The following HERC2 variants were observed in gnomAD, a reference collection of about 807,000 sequenced individuals.
HERC2 encodes HECT and RLD domain containing E3 ubiquitin protein ligase 2.
In HERC2, 102 loss-of-function variants were observed where a neutral mutation model predicts 537.7. The observed-to-expected ratio is 0.19, with a 90% confidence interval of 0.16 to 0.22. HERC2 has a LOEUF of 0.22. HERC2 is among the 10% of genes least tolerant of loss of function. HERC2 has a pLI of 1.00. For missense variants in HERC2, 4,236 were observed against 6,198.2 expected, an observed-to-expected ratio of 0.68 and a Z score of 10.63; for synonymous variants, 2,224 against 2,466.2, an observed-to-expected ratio of 0.90 and a Z score of 2.91.
Position 28,177,190 on chromosome 15 carries a change from A to C in HERC2, c.9255-63T>G. On this transcript the variant is annotated intron_variant, in intron 60 of 92. Coordinates refer to ENST00000261609, the MANE Select transcript of HERC2 (RefSeq NM_004667.6). This position sits in a 1 kb window ranked among gnomAD's most constrained non-coding sequence, Gnocchi z 5.0. ...GTCCCTTCTTAGAGATGAAGGAAAA[A>C]AGACATCTATACTGATCCACATGTA... The C allele has an allele frequency of 6.6e-7, 1 of 1,505,742 alleles. No individual in the cohort carries two copies. Among genetic ancestry groups the C allele is most frequent in the Non-Finnish European group, 9.1e-7 (1 of 1,104,768 alleles). The allele number at this position is 1,505,742 out of a possible 1,614,324, so 93.3% of individuals were successfully genotyped here. A position where few individuals can be genotyped will look rare whatever the true frequency, so the allele number is the denominator to read the frequency against.
At chr15:28,282,829 G>A (rs1288933717) in intron 4 of HERC2, among the ~76,000 whole-genome samples, 3 of 151,954 alleles carry the variant, frequency 2.0e-5, no homozygotes, top group Non-Finnish European at 4.4e-5. Context: ...CTACTCGAGA[G>A]GCTGAGACAG....
chr15:28,148,811 A>T (rs1402194419), intron 70 of HERC2, among the ~76,000 whole-genome samples: 1 of 152,200 alleles, frequency 6.6e-6, no homozygotes, highest in Non-Finnish European at 1.5e-5. Context: ...ACACGAACGT[A>T]CATTCTAGTA....
rs367713996 is a variant in HERC2, at chr15:28,175,671, A to G, written c.9687-15T>C. 3.9e-5 allele frequency: 63 copies of G among 1,614,000 alleles called. 1 individual carries two copies. The highest frequency in any genetic ancestry group is 3.5e-4 in the Admixed American group (21 of 60,010). ...CCCCCTTTCCCCTGAGAGAAGGCCC[A>G]TGGTGGAGAGTTACAATACGGTTAT... is the stretch of plus-strand genomic sequence containing the variant. On this transcript the variant is annotated splice_polypyrimidine_tract_variant and intron_variant, in intron 63 of 92. Coordinates refer to ENST00000261609, the MANE Select transcript of HERC2 (RefSeq NM_004667.6).
At chr15:28,216,018 T>C (rs888948841) in intron 38 of HERC2, among the ~76,000 whole-genome samples, 1 of 152,194 alleles carries the variant, frequency 6.6e-6, no homozygotes, top group Admixed American at 6.5e-5. Context: ...TTTTCTTTTT[T>C]TTTTTAGAGA....
At chr15:28,303,886 C>T (rs1485188710) in intron 2 of HERC2, among the ~76,000 whole-genome samples, 1 of 152,124 alleles carries the variant, frequency 6.6e-6, no homozygotes, top group African/African-American at 2.4e-5. Context: ...ACTGATTTGG[C>T]CGGGCACAGT....
At chr15:28,121,232 T>C (rs546793944) in intron 86 of HERC2, 114 bp downstream of exon 86, 2 of 876,092 alleles carry the variant, frequency 2.3e-6, no homozygotes, top group African/African-American at 3.3e-5. Context: ...ACCTGCTCTT[T>C]AAAGTTGGGG....
chr15:28,283,109 C>T (rs2076068428), intron 4 of HERC2, among the ~76,000 whole-genome samples: 2 of 146,966 alleles, frequency 1.4e-5, no homozygotes, highest in Admixed American at 6.8e-5. Context: ...ACTGAACTCA[C>T]GAAGGGACAG....
chr15:28,148,537 A>G (rs1892007566), intron 70 of HERC2, among the ~76,000 whole-genome samples: 1 of 152,242 alleles, frequency 6.6e-6, no homozygotes, highest in South Asian at 2.1e-4. Flanking sequence ...ACTTGGGACG[A>G]CAGACTAAAG....
At chr15:28,313,338 C>T (rs1198580435) in intron 2 of HERC2, among the ~76,000 whole-genome samples, 6 of 152,202 alleles carry the variant, frequency 3.9e-5, no homozygotes, top group South Asian at 2.1e-4. Context: ...CCACCACGCC[C>T]GGCTAATTTT....
chr15:28,184,385 G>A (rs1896105586), intron 56 of HERC2, among the ~76,000 whole-genome samples: 1 of 152,092 alleles, frequency 6.6e-6, no homozygotes, highest in South Asian at 2.1e-4. Context: ...TGTAGGAGGA[G>A]ACTGCCTGGG....
chr15:28,221,002 G>A (rs1900471558), intron 36 of HERC2, among the ~76,000 whole-genome samples: 1 of 144,772 alleles, frequency 6.9e-6, no homozygotes, highest in South Asian at 2.4e-4. Context: ...TTAGGAGGGT[G>A]CGTGCCCTGC....
intron 3 of HERC2, among the ~76,000 whole-genome samples, chr15:28,298,034 T>A (rs1396255122): frequency 2.8e-5 from 4 of 143,598 alleles, no homozygotes; most frequent in South Asian, 2.3e-4. Flanking sequence ...TGTGTGTGTG[T>A]GTGTGAATAT....
intron 55 of HERC2, chr15:28,190,396 G>A (rs1199794309): frequency 6.6e-6 from 1 of 152,316 alleles, no homozygotes. Flanking sequence ...ATGTGGAAAG[G>A]TTTACTAAAA....
chr15:28,182,266 G>T, intron 57 of HERC2, 135 bp downstream of exon 57: 1 of 554,060 alleles, frequency 1.8e-6, no homozygotes, highest in Middle Eastern at 4.9e-4. Flanking sequence ...CTTCTGAGGG[G>T]TAATTTGATA....
At chr15:28,207,257 T>A (rs1363182654) in intron 44 of HERC2, among the ~76,000 whole-genome samples, 1 of 151,890 alleles carries the variant, frequency 6.6e-6, no homozygotes, top group East Asian at 2.0e-4. Context: ...GCATCAGCCT[T>A]CCCTGTAGCT....
intron 69 of HERC2, among the ~76,000 whole-genome samples, chr15:28,162,255 G>A (rs1423279333): frequency 6.6e-6 from 1 of 152,206 alleles, no homozygotes; most frequent in African/African-American, 2.4e-5. Flanking sequence ...ACCTGATCCC[G>A]GGAGGTAGAG....
At chr15:28,192,250 A>C in intron 52 of HERC2, 99 bp from the exon 53 acceptor site, 1 of 1,082,388 alleles carries the variant, frequency 9.2e-7, no homozygotes, top group Non-Finnish European at 1.3e-6. Flanking sequence ...TTAAAGAAAA[A>C]TAGAAAGTTT....
In HERC2 at chr15:28,191,132, G is replaced by A. The variant is rs753548895; in HGVS notation, c.8557+7C>T. On this transcript the variant is annotated splice_region_variant and intron_variant, in intron 54 of 92. Coordinates refer to ENST00000261609, the MANE Select transcript of HERC2 (RefSeq NM_004667.6). The stretch of plus-strand genomic sequence containing the variant: ...GTACTTCTTTTTAGGTAAACTAACT[G>A]AATTACCTGACACTACAACCAGGGA... 3 of 1,603,486 alleles carry A rather than the reference G, an allele frequency of 1.9e-6. No homozygotes were observed. The African/African-American group carries it at 4.0e-5, about 21-fold the overall frequency.
rs1468763422 is a variant in HERC2 at position 28,227,566 on chromosome 15, T to C, written c.5464+652A>G. Among the ~76,000 whole-genome samples, 3 of 151,900 alleles carry C rather than the reference T, an allele frequency of 2.0e-5. No homozygotes were observed. In the East Asian group the frequency reaches 5.8e-4, roughly 29 times the overall value. ...TGGTGGTGGGAATGTAAAAATGATATGGCACTGTGGAAAACTTTGGTAGTT... is the reference window on the plus strand; with the variant it reads ...TGGTGGTGGGAATGTAAAAATGATACGGCACTGTGGAAAACTTTGGTAGTT... On this transcript the variant is annotated intron_variant, in intron 35 of 92. Coordinates refer to ENST00000261609, the MANE Select transcript of HERC2 (RefSeq NM_004667.6).
Sources: gnomAD v4.1 joint callset for allele counts (sites outside exome capture counted in the v4.1 genomes callset) on GRCh38, gnomAD v4.1.1 for gene constraint, Gnocchi (gnomAD v3.1) non-coding constraint, MANE v1.5 for transcripts, NCBI Gene and HGNC (gene_info 2026-07-23, HGNC 2026-07-21) for gene names.